The following MAN1C1 variants were observed in gnomAD, a reference collection of about 807,000 sequenced individuals.
MAN1C1 encodes the protein mannosyl-oligosaccharide 1,2-alpha-mannosidase IC.
In MAN1C1, 49 loss-of-function variants were observed where a neutral mutation model predicts 71.5. The ratio of observed to expected loss-of-function variants is 0.69; its 90% CI spans 0.54 to 0.87. MAN1C1 has a LOEUF of 0.87. MAN1C1 is among the 40% of genes least tolerant of loss of function. The pLI is 0.00. For missense variants in MAN1C1, 743 were observed against 835.0 expected (o/e 0.89, Z 1.36); for synonymous variants, 352 against 343.7 (o/e 1.02, Z -0.27).
chr1:25,660,139 C>T (rs1182368183), intron 1 of MAN1C1, among the ~76,000 whole-genome samples: 6 of 152,142 alleles, frequency 3.9e-5, no homozygotes, highest in Admixed American at 3.9e-4. Flanking sequence ...TGGTGGTTCA[C>T]GCCTGTAGTC....
At chr1:25,767,528 ACT>A (rs1282030992) in intron 7 of MAN1C1, among the ~76,000 whole-genome samples, 1 of 108,144 alleles carries the variant, frequency 9.2e-6, no homozygotes, top group Non-Finnish European at 1.9e-5. Flanking sequence ...TACTACATAC[ACT>A]CCTACACACA....
chr1:25,698,137 C>T (rs1388732273), intron 2 of MAN1C1, among the ~76,000 whole-genome samples: 2 of 152,242 alleles, frequency 1.3e-5, no homozygotes, highest in Non-Finnish European at 2.9e-5. Context: ...TCATCCTCTT[C>T]TCTTCACACT....
intron 1 of MAN1C1, among the ~76,000 whole-genome samples, chr1:25,667,421 G>T (rs1247533163): frequency 7.1e-6 from 1 of 140,584 alleles, no homozygotes; most frequent in Non-Finnish European, 1.5e-5. Context: ...AAGGCTGGAA[G>T]TTACAGTGAA....
intron 1 of MAN1C1, among the ~76,000 whole-genome samples, chr1:25,664,658 G>T (rs1264023576): frequency 6.6e-6 from 1 of 152,180 alleles, no homozygotes; most frequent in Non-Finnish European, 1.5e-5. Context: ...AAGATTTCTT[G>T]GCCTTGGCTA....
intron 7 of MAN1C1, 79 bp from the exon 8 acceptor site, chr1:25,771,578 C>T (rs2124401121): frequency 3.7e-6 from 4 of 1,079,138 alleles, no homozygotes; most frequent in Non-Finnish European, 5.7e-6. Context: ...CCCCTGAGGT[C>T]AGGCGGGTGT....
At chr1:25,652,399 C>T (rs1416634938) in intron 1 of MAN1C1, among the ~76,000 whole-genome samples, 3 of 152,228 alleles carry the variant, frequency 2.0e-5, no homozygotes, top group Non-Finnish European at 4.4e-5. Context: ...GGCGCTCTCC[C>T]GGGAAGTGAG....
At chr1:25,734,400 A>G (rs1365225578) in intron 2 of MAN1C1, among the ~76,000 whole-genome samples, 5 of 152,246 alleles carry the variant, frequency 3.3e-5, no homozygotes, top group Non-Finnish European at 7.3e-5. Flanking sequence ...AAGTACTGGG[A>G]TTACTGGCAT....
Position 25,781,028 on chromosome 1 carries a change from G to A in MAN1C1, c.1566G>A (p.Arg522=). The change falls in exon 10 of 12, where the codon CGG becomes CGA. Residue 522 remains arginine (R), a synonymous_variant. Transcript: ENST00000374332. ...TGAGCGAGAGCTACTACATCCTCCG[G>A]CCAGAGGTGGTGGAGAGCTACATGT... is the stretch of plus-strand genomic sequence containing the variant. ...TQLSESYYIL[R]PEVVESYMYL... 6.2e-7 allele frequency: 1 copy of A among 1,614,150 alleles called. No homozygotes were observed. The highest frequency in any genetic ancestry group is 8.5e-7 in the Non-Finnish European group (1 of 1,180,030).
chr1:25,724,184 A>G (rs2046804117), intron 2 of MAN1C1, among the ~76,000 whole-genome samples: 1 of 152,034 alleles, frequency 6.6e-6, no homozygotes, highest in Non-Finnish European at 1.5e-5. Flanking sequence ...GCACGCCACC[A>G]CGCCCGGCTA....
intron 1 of MAN1C1, among the ~76,000 whole-genome samples, chr1:25,656,312 G>A (rs1034957531): frequency 2.6e-5 from 4 of 151,646 alleles, no homozygotes; most frequent in South Asian, 2.1e-4. Flanking sequence ...TGGGCAGCCC[G>A]GTCTCGAACT....
intron 1 of MAN1C1, among the ~76,000 whole-genome samples, chr1:25,644,228 T>G (rs2045578651): frequency 6.6e-6 from 1 of 151,926 alleles, no homozygotes; most frequent in African/African-American, 2.4e-5. Context: ...CTGGGGGTAG[T>G]GGGTTTGCAA....
At chr1:25,672,205 A>AAG (rs760005706) in intron 1 of MAN1C1, among the ~76,000 whole-genome samples, 16 of 150,880 alleles carry the variant, frequency 1.1e-4, no homozygotes, top group South Asian at 4.2e-4. Context: ...CTAGCTCCAG[A>AAG]AGAGAGAGAG....
At chr1:25,768,826 CCT>C (rs1441599395) in intron 7 of MAN1C1, among the ~76,000 whole-genome samples, 5 of 149,438 alleles carry the variant, frequency 3.3e-5, no homozygotes, top group Admixed American at 3.3e-4. Flanking sequence ...TCCACACTCC[CCT>C]CACACACACC....
intron 1 of MAN1C1, among the ~76,000 whole-genome samples, chr1:25,676,350 C>T (rs114708012): frequency 0.014 from 2,192 of 152,220 alleles, 47 homozygotes; most frequent in African/African-American, 0.05. Context: ...TTCACCTCCC[C>T]GGGCAACCAA....
intron 1 of MAN1C1, among the ~76,000 whole-genome samples, chr1:25,675,168 T>C (rs780034937): frequency 1.3e-5 from 2 of 152,140 alleles, no homozygotes; most frequent in South Asian, 4.2e-4. Flanking sequence ...TCTGAGATTT[T>C]CGTGCACCTG....
Position 25,643,039 on chromosome 1 carries a change from C to T in MAN1C1, c.540+24702C>T, listed in dbSNP as rs113553847. ...GGGGGACGTAGGTTCCCTTCTCATG[C>T]GCAGCAGAGTCTAAGATGTTTAATT... On this transcript the variant is annotated intron_variant, in intron 1 of 11. Coordinates refer to ENST00000374332, the MANE Select transcript of MAN1C1 (RefSeq NM_020379.4). Among the ~76,000 whole-genome samples the T allele has an allele frequency of 9.9e-5, 15 of 152,212 alleles. 1 individual carries two copies. Among genetic ancestry groups the T allele is most frequent in the African/African-American group, 2.4e-4 (10 of 41,500 alleles).
At chr1:25,695,002 G>A (rs2046351760) in intron 2 of MAN1C1, among the ~76,000 whole-genome samples, 1 of 151,996 alleles carries the variant, frequency 6.6e-6, no homozygotes, top group Admixed American at 6.5e-5. Context: ...CTTCCCTGCA[G>A]GTATACACAC....
chr1:25,717,843 C>T (rs1164856150), intron 2 of MAN1C1, among the ~76,000 whole-genome samples: 1 of 152,152 alleles, frequency 6.6e-6, no homozygotes, highest in Non-Finnish European at 1.5e-5. Flanking sequence ...GGATTACAGG[C>T]ATGAGCCACC....
At chr1:25,635,865 C>T (rs201706493) in intron 1 of MAN1C1, among the ~76,000 whole-genome samples, 2 of 152,266 alleles carry the variant, frequency 1.3e-5, no homozygotes, top group East Asian at 3.9e-4. Flanking sequence ...ACTGGGGGAA[C>T]CCACCCCCAA....
Sources: allele counts gnomAD v4.1 joint callset (sites outside exome capture counted in the v4.1 genomes callset), GRCh38; gene constraint gnomAD v4.1.1; transcripts MANE v1.5; gene names NCBI Gene and HGNC (gene_info 2026-07-23, HGNC 2026-07-21).